SETD1A: variants seen among roughly 807,000 people sequenced by gnomAD.
The protein encoded by SETD1A is histone-lysine N-methyltransferase SETD1A.
A neutral mutation model predicts 149.9 loss-of-function variants in SETD1A; 29 were observed. The ratio of observed to expected loss-of-function variants is 0.19; its 90% CI spans 0.14 to 0.26. The LOEUF (loss-of-function observed/expected upper bound fraction) is 0.26. Ranked by LOEUF, SETD1A falls within the 10% of genes least tolerant of loss-of-function variation. SETD1A has a pLI of 1.00. For missense variants in SETD1A, 2,109 were observed against 2,353.1 expected (o/e 0.90, Z 2.15); for synonymous variants, 1,141 against 968.5 (o/e 1.18, Z -3.31).
In SETD1A at chr16:30,980,323, C is replaced by G. The variant is rs117369393; in HGVS notation, c.4408+129C>G. ...GCCATCTTTTCTCTCCTCCTGGTGCCTCTTTTCTGCCTTCCAAAGCATTTC... is the reference window on the plus strand; with the variant it reads ...GCCATCTTTTCTCTCCTCCTGGTGCGTCTTTTCTGCCTTCCAAAGCATTTC... On this transcript the variant is annotated intron_variant, in intron 14 of 18. Transcript: ENST00000262519. The surrounding 1 kb of genome is among the most constrained non-coding windows in gnomAD (Gnocchi z 7.7). 7 of 1,434,232 alleles carry G rather than the reference C, an allele frequency of 4.9e-6. No homozygotes were observed. The highest frequency in any genetic ancestry group is 6.5e-6 in the Non-Finnish European group (7 of 1,073,540). 88.8% of individuals were successfully genotyped at this position (1,434,232 alleles called of 1,614,324 possible). A position where few individuals can be genotyped will look rare whatever the true frequency, so the allele number is the denominator to read the frequency against.
chr16:30,969,664 A>C lies in SETD1A; in HGVS notation c.2991A>C (p.Thr997=). The C allele has an allele frequency of 6.2e-7, 1 of 1,614,154 alleles. No homozygotes were observed. Among genetic ancestry groups the C allele is most frequent in the Non-Finnish European group, 8.5e-7 (1 of 1,179,950 alleles). Residue 997 remains threonine, a synonymous_variant, in exon 12 of 19, where the codon ACA becomes ACC. Transcript: ENST00000262519. ...DEDREEAVDT[T]KKETEVSDGE... ...ATCGAGAGGAAGCTGTGGATACCACAAAGAAGGAGACAGAGGTGTCGGATG... is the reference window on the plus strand; with the variant it reads ...ATCGAGAGGAAGCTGTGGATACCACCAAGAAGGAGACAGAGGTGTCGGATG...
In SETD1A at chr16:30,980,165, T is replaced by G; in HGVS notation, c.4379T>G (p.Leu1460Arg). The G allele has an allele frequency of 6.2e-7, 1 of 1,608,562 alleles. No individual in the cohort carries two copies. The highest frequency in any genetic ancestry group is 8.5e-7 in the Non-Finnish European group (1 of 1,177,920). The change falls in exon 14 of 19, where the codon CTC becomes CGC. Residue 1460 changes from leucine to arginine, a missense_variant. Around this residue, in one of 8 missense-constraint regions of SETD1A, gnomAD observed 254 missense variants for 409.3 expected, o/e 0.62. Transcript: ENST00000262519. The surrounding 1 kb of genome is among the most constrained non-coding windows in gnomAD (Gnocchi z 7.7). ...LLQQTSGADW[L>R]NDTHWVHHTI... The stretch of plus-strand genomic sequence containing the variant: ...CAGCAGACAAGCGGGGCTGACTGGC[T>G]CAACGACACTCACTGGGTCCATCAC...
intron 4 of SETD1A, among the ~76,000 whole-genome samples, chr16:30,962,048 G>C (rs2056059518): frequency 6.9e-6 from 1 of 144,726 alleles, no homozygotes; most frequent in African/African-American, 2.6e-5. Flanking sequence ...TCACTACACT[G>C]CCCAGCCTGT....
chr16:30,976,063 C>T (rs1456949653), intron 13 of SETD1A, among the ~76,000 whole-genome samples: 1 of 151,336 alleles, frequency 6.6e-6, no homozygotes, highest in Non-Finnish European at 1.5e-5. Flanking sequence ...GACCCTGTTG[C>T]TGTAGGACTG....
Position 30,964,367 on chromosome 16 carries a change from G to A in SETD1A, c.869+44G>A, listed in dbSNP as rs190514607. ...CTGGGGCCCCGCCCGCAAAGTCTGGGAGCTGCCACTGGGAAGAAGATGCCC... is the reference window on the plus strand; with the variant it reads ...CTGGGGCCCCGCCCGCAAAGTCTGGAAGCTGCCACTGGGAAGAAGATGCCC... On this transcript the variant is annotated intron_variant, in intron 6 of 18. Coordinates refer to ENST00000262519, the MANE Select transcript of SETD1A (RefSeq NM_014712.3). The A allele has an allele frequency of 1.4e-5, 21 of 1,496,078 alleles. No homozygotes were observed. The South Asian group carries it at 2.2e-4, about 15-fold the overall frequency. The allele number at this position is 1,496,078 out of a possible 1,614,324, so 92.7% of individuals were successfully genotyped here.
In SETD1A at chr16:30,979,970, G is replaced by A. The variant is rs1340250551; in HGVS notation, c.4184G>A (p.Arg1395His). 11 of 1,523,418 alleles carry A rather than the reference G, an allele frequency of 7.2e-6. No homozygotes were observed. The highest frequency in any genetic ancestry group is 2.4e-5 in the South Asian group (2 of 82,348). The allele number at this position is 1,523,418 out of a possible 1,614,324, so 94.4% of individuals were successfully genotyped here. The change falls in exon 14 of 19, where the codon CGC becomes CAC. Residue 1395 changes from arginine to histidine, a missense_variant. Transcript: ENST00000262519. ...GGCGCCCTCCGGAGGCGCAGCCTCC[G>A]CTCCCACGCCCGGCGCCGCCGCCCT... ...GEGALRRRSL[R>H]SHARRRRPPP...
At position 30,981,197 on chromosome 16, in the gene SETD1A, A is replaced by AGCCCC; in HGVS notation, c.4812+24_4812+28dup. 4.3e-6 allele frequency: 7 copies of AGCCCC among 1,613,498 alleles called. No homozygotes were observed. Among genetic ancestry groups the AGCCCC allele is most frequent in the Non-Finnish European group, 5.9e-6 (7 of 1,179,586 alleles). ...ATCCGTCAGGTGAGGCTGCACTCCCAGCCCCGCCCCGGCTTCTGATGCAAC... is the reference window on the plus strand; with the variant it reads ...ATCCGTCAGGTGAGGCTGCACTCCCAGCCCCGCCCCGCCCCGGCTTCTGATGCAAC... On this transcript the variant is annotated intron_variant, in intron 17 of 18. Transcript: ENST00000262519.
At chr16:30,970,124 C>A (rs1230729261) in intron 12 of SETD1A, among the ~76,000 whole-genome samples, 1 of 151,804 alleles carries the variant, frequency 6.6e-6, no homozygotes, top group Non-Finnish European at 1.5e-5. Flanking sequence ...CCCACCACCA[C>A]CCCCAGCTAA....
chr16:30,961,595 A>G lies in SETD1A; in HGVS notation c.517+58A>G. The G allele has an allele frequency of 6.4e-7, 1 of 1,560,816 alleles. No individual in the cohort carries two copies. The highest frequency in any genetic ancestry group is 1.4e-5 in the African/African-American group (1 of 72,884). On this transcript the variant is annotated intron_variant, in intron 4 of 18. Transcript: ENST00000262519. The surrounding 1 kb of genome is among the most constrained non-coding windows in gnomAD (Gnocchi z 4.0). Reference sequence around the variant, plus strand: ...GCCTCCAGCGGAGGTTGTACATGCAAATGCCTGTCAGGGTCAGGCAGGCGC... The same window carrying G: ...GCCTCCAGCGGAGGTTGTACATGCAGATGCCTGTCAGGGTCAGGCAGGCGC...
In SETD1A at chr16:30,961,115, G is replaced by A. The variant is rs893538879; in HGVS notation, c.247-152G>A. On this transcript the variant is annotated intron_variant, in intron 3 of 18. Coordinates refer to ENST00000262519, the MANE Select transcript of SETD1A (RefSeq NM_014712.3). This position sits in a 1 kb window ranked among gnomAD's most constrained non-coding sequence, Gnocchi z 4.0. ...GAAGAATTCAGGGAAAAGGGGTCAG[G>A]TCTGATGGATCCCTTATTTTGGGCC... 4.1e-6 allele frequency: 3 copies of A among 739,060 alleles called. No individual in the cohort carries two copies. The East Asian group carries it at 7.4e-5, about 18-fold the overall frequency. The allele number at this position is 739,060 out of a possible 1,614,324, so 45.8% of individuals were successfully genotyped here.
In SETD1A at chr16:30,980,010, G is replaced by GCCGCCA; in HGVS notation, c.4230_4235dup (p.Pro1411_Pro1412dup). 3.9e-6 allele frequency: 1 copy of GCCGCCA among 257,932 alleles called. No individual in the cohort carries two copies. The highest frequency in any genetic ancestry group is 6.1e-6 in the Non-Finnish European group (1 of 163,618). The allele number at this position is 257,932 out of a possible 1,614,324, so 16.0% of individuals were successfully genotyped here. A position where few individuals can be genotyped will look rare whatever the true frequency, so the allele number is the denominator to read the frequency against. On this transcript the variant is annotated inframe_insertion, in exon 14 of 19. Coordinates refer to ENST00000262519, the MANE Select transcript of SETD1A (RefSeq NM_014712.3). The surrounding 1 kb of genome is among the most constrained non-coding windows in gnomAD (Gnocchi z 7.7). ...GCCGCCGCCCTCCGCCCCCACCCCC[G>GCCGCCA]CCGCCACCGCCCCGCGCCTACGAGC... is the stretch of plus-strand genomic sequence containing the variant.
chr16:30,983,560 G>A lies in SETD1A; in HGVS notation c.4813-75G>A. On this transcript the variant is annotated intron_variant, in intron 17 of 18. Coordinates refer to ENST00000262519, the MANE Select transcript of SETD1A (RefSeq NM_014712.3). The surrounding 1 kb of genome is among the most constrained non-coding windows in gnomAD (Gnocchi z 6.8). ...CCAGGCCTGGTGGGCGTGGACCTGG[G>A]GTGCTGGCTGGCAGGCGTGCTCAGG... 1.3e-6 allele frequency: 2 copies of A among 1,543,438 alleles called. No individual in the cohort carries two copies. The highest frequency in any genetic ancestry group is 1.8e-6 in the Non-Finnish European group (2 of 1,139,608).
chr16:30,983,766 CT>C lies in SETD1A; in HGVS notation c.4945del (p.Cys1649AlafsTer19). 6.2e-7 allele frequency: 1 copy of C among 1,614,046 alleles called. No individual in the cohort carries two copies. The highest frequency in any genetic ancestry group is 2.2e-5 in the East Asian group (1 of 44,878). Reference sequence around the variant, plus strand: ...ACCTGGCCAGATTCATCAACCACTGCTGCACGGTGCGCCAGGGGCCAGCCGG... The same window carrying C: ...ACCTGGCCAGATTCATCAACCACTGCGCACGGTGCGCCAGGGGCCAGCCGG... ...GNLARFINHCCTPNCYAKVIT... is the reference protein window; with the variant it reads ...GNLARFINHCXTPNCYAKVIT... On this transcript the variant is annotated frameshift_variant, in exon 18 of 19. Coordinates refer to ENST00000262519, the MANE Select transcript of SETD1A (RefSeq NM_014712.3). LOFTEE classifies it high-confidence loss of function. The surrounding 1 kb of genome is among the most constrained non-coding windows in gnomAD (Gnocchi z 6.8).
Position 30,971,487 on chromosome 16 carries a change from ATCCTCCTCC to A in SETD1A, c.3135_3143del (p.Ser1056_Ser1058del). 1 of 1,611,532 alleles carries A rather than the reference ATCCTCCTCC, an allele frequency of 6.2e-7. No homozygotes were observed. Among genetic ancestry groups the A allele is most frequent in the East Asian group, 2.2e-5 (1 of 44,644 alleles). The stretch of plus-strand genomic sequence containing the variant: ...AGAGCAGCAGCTCTTCCAGCTCCTC[ATCCTCCTCC>A]TCCTCCTCGTCCTCATCCTCCTCGT... On this transcript the variant is annotated inframe_deletion, in exon 13 of 19. Coordinates refer to ENST00000262519, the MANE Select transcript of SETD1A (RefSeq NM_014712.3).
chr16:30,962,165 A>G (rs1166316336), intron 4 of SETD1A, among the ~76,000 whole-genome samples: 2 of 151,752 alleles, frequency 1.3e-5, no homozygotes, highest in Admixed American at 6.6e-5. Context: ...CCCAGGTTCA[A>G]GTGATTCTTC....
At chr16:30,963,190 TA>T (rs1242446144) in intron 4 of SETD1A, among the ~76,000 whole-genome samples, 1 of 152,170 alleles carries the variant, frequency 6.6e-6, no homozygotes, top group Non-Finnish European at 1.5e-5. Flanking sequence ...TCCAACATGG[TA>T]AAATAAGTAG....
rs755951441 is a variant in SETD1A at position 30,965,379 on chromosome 16, C to T, written c.1637C>T (p.Ala546Val). 6 of 1,610,754 alleles carry T rather than the reference C, an allele frequency of 3.7e-6. No individual in the cohort carries two copies. In the Admixed American group the frequency reaches 8.3e-5, roughly 22 times the overall value. ...CCCTGCACACCCCCTCCGGCCCCAG[C>T]TAATTTTGAGGATGTGGCACCTACA... ...HGPCTPPPAP[A>V]NFEDVAPTGS... is the part of the protein sequence containing the mutation. The change falls in exon 7 of 19, where the codon GCT (alanine) becomes GTT (valine). Residue 546 changes from alanine (A) to valine (V), a missense_variant. Coordinates refer to ENST00000262519, the MANE Select transcript of SETD1A (RefSeq NM_014712.3).
Position 30,983,741 on chromosome 16 carries a change from A to G in SETD1A, c.4919A>G (p.Asn1640Ser), listed in dbSNP as rs1313514022. 3.1e-6 allele frequency: 5 copies of G among 1,614,110 alleles called. No individual in the cohort carries two copies. Among genetic ancestry groups the G allele is most frequent in the Admixed American group, 1.7e-5 (1 of 60,014 alleles). Residue 1640 changes from asparagine (N) to serine (S), a missense_variant, in exon 18 of 19, where the codon AAC becomes AGC. By Grantham distance (46) the Asn-to-Ser change is conservative. This residue lies in a region of SETD1A where 254 missense variants were observed against 409.3 expected (regional missense o/e 0.62). Coordinates refer to ENST00000262519, the MANE Select transcript of SETD1A (RefSeq NM_014712.3). This position sits in a 1 kb window ranked among gnomAD's most constrained non-coding sequence, Gnocchi z 6.8. ...ATCATCGATGCCACCAAGTGTGGCAACCTGGCCAGATTCATCAACCACTGC... is the reference window on the plus strand; with the variant it reads ...ATCATCGATGCCACCAAGTGTGGCAGCCTGGCCAGATTCATCAACCACTGC... ...DTIIDATKCG[N>S]LARFINHCCT...
Position 30,980,780 on chromosome 16 carries a change from G to A in SETD1A, c.4623G>A (p.Arg1541=), listed in dbSNP as rs752134181. The change falls in exon 16 of 19, where the codon CGG becomes CGA. Residue 1541 remains arginine (R), a synonymous_variant. Coordinates refer to ENST00000262519, the MANE Select transcript of SETD1A (RefSeq NM_014712.3). This position sits in a 1 kb window ranked among gnomAD's most constrained non-coding sequence, Gnocchi z 7.7. ...RVLSERRSEQ[R]RLLSAIGTSA... ...TGTCCGAGCGCCGGTCCGAGCAGCG[G>A]CGGCTGCTGAGCGCCATCGGTACCT... 5 of 1,612,928 alleles carry A rather than the reference G, an allele frequency of 3.1e-6. No individual in the cohort carries two copies. Among genetic ancestry groups the A allele is most frequent in the African/African-American group, 2.7e-5 (2 of 74,932 alleles).
Sources: gnomAD v4.1 joint callset for allele counts (sites outside exome capture counted in the v4.1 genomes callset) on GRCh38, gnomAD v4.1.1 for gene constraint, gnomAD v4.1.1 regional missense constraint, Gnocchi (gnomAD v3.1) non-coding constraint, MANE v1.5 for transcripts, NCBI Gene and HGNC (gene_info 2026-07-23, HGNC 2026-07-21) for gene names.